POLR3H: variants seen among roughly 807,000 people sequenced by gnomAD.
The protein encoded by POLR3H is DNA-directed RNA polymerase III subunit RPC8.
POLR3H carries 17 observed loss-of-function variants against 25.5 expected under a neutral mutation model. The observed-to-expected ratio is 0.67, with a 90% CI of 0.46 to 1.00. POLR3H has a LOEUF of 1.00. Ranked by LOEUF, POLR3H falls within the 50% of genes least tolerant of loss-of-function variation. The probability of loss-of-function intolerance (pLI) is 0.00; values close to 1 mark genes in which losing one functional copy is unlikely to be tolerated. For synonymous variants in POLR3H, 129 were observed against 103.0 expected, an observed-to-expected ratio of 1.25 and a Z score of -1.53; for missense variants, 274 against 265.0, an observed-to-expected ratio of 1.03 and a Z score of -0.24.
chr22:41,532,915 A>G (rs1180927411), intron 2 of POLR3H, among the ~76,000 whole-genome samples, 170 bp from the exon 3 acceptor site: 1 of 151,950 alleles, frequency 6.6e-6, no homozygotes, highest in Non-Finnish European at 1.5e-5. Context: ...TGGCCCCCAC[A>G]GGGGGGCAGC....
In POLR3H at chr22:41,530,762, G is replaced by T; in HGVS notation, c.486C>A (p.Pro162=). The change falls in exon 5 of 6, where the codon CCC becomes CCA. Residue 162 remains proline, a synonymous_variant. Transcript: ENST00000355209. ...TGGCATCTGCTGAGCTGGGCCCTGT[G>T]GGGGACGTGTCAACAAAGCTCTCGT... The part of the protein sequence containing the change: ...VVDESFVDTS[P]TGPSSADATT... 6.2e-7 allele frequency: 1 copy of T among 1,614,048 alleles called. No homozygotes were observed. The highest frequency in any genetic ancestry group is 1.1e-5 in the South Asian group (1 of 91,086).
rs2066606238 is a variant in POLR3H, at chr22:41,526,743, A to G, written c.*2540T>C. The G allele has an allele frequency of 1.0e-5, 4 of 384,024 alleles. No individual in the cohort carries two copies. The East Asian group carries it at 1.3e-4, about 13-fold the overall frequency. The allele number at this position is 384,024 out of a possible 1,614,324, so 23.8% of individuals were successfully genotyped here. On this transcript the variant is annotated 3_prime_UTR_variant, in exon 6 of 6. Coordinates refer to ENST00000355209, the MANE Select transcript of POLR3H (RefSeq NM_001018050.4). The stretch of plus-strand genomic sequence containing the variant: ...AGGAAGGGGGCCGACTCAGGAAGTC[A>G]GAGGCCAAAAGCTCAGAGAGGGGGC...
intron 3 of POLR3H, 93 bp from the exon 4 acceptor site, chr22:41,532,250 T>G (rs1194714170): frequency 3.1e-6 from 4 of 1,278,578 alleles, no homozygotes; most frequent in Non-Finnish European, 4.5e-6. Context: ...AAGCCCTGCC[T>G]GGGGCTGCCC....
intron 2 of POLR3H, 39 bp downstream of exon 2, chr22:41,540,660 C>A (rs755109778): frequency 1.3e-5 from 19 of 1,494,292 alleles, no homozygotes; most frequent in Admixed American, 1.7e-5. Flanking sequence ...AAAACTGAGC[C>A]CCAAGAAGCC....
Position 41,529,293 on chromosome 22 carries a change from G to A in POLR3H, c.605C>T (p.Thr202Ile), listed in dbSNP as rs1303687870. The A allele has an allele frequency of 1.2e-6, 2 of 1,613,396 alleles. No individual in the cohort carries two copies. The highest frequency in any genetic ancestry group is 1.7e-5 in the Admixed American group (1 of 60,000). The change falls in exon 6 of 6, where the codon ACC (threonine) becomes ATC (isoleucine). Residue 202 changes from threonine (T) to isoleucine (I), a missense_variant. Thr to Ile is a moderately conservative substitution (Grantham distance 89). Coordinates refer to ENST00000355209, the MANE Select transcript of POLR3H (RefSeq NM_001018050.4). Reference sequence around the variant, plus strand: ...TGTCCAGCCCCAGGGCTAGTTGCTGGTCCACCAGGAGAGAAGGCCCAGGCC... The same window carrying A: ...TGTCCAGCCCCAGGGCTAGTTGCTGATCCACCAGGAGAGAAGGCCCAGGCC... Reference protein sequence around the residue: ...EPGLGLLSWWTSN With the variant: ...EPGLGLLSWWISN
At chr22:41,529,798 C>A in intron 5 of POLR3H, 1 of 429,802 alleles carries the variant, frequency 2.3e-6, no homozygotes. Context: ...CACTGTCACC[C>A]GGGCTGGAGT....
At chr22:41,530,548 T>G (rs538878598) in intron 5 of POLR3H, 139 bp downstream of exon 5, 29 of 754,040 alleles carry the variant, frequency 3.8e-5, no homozygotes, top group South Asian at 9.3e-5. Flanking sequence ...CAGGGAGAAG[T>G]GACCAGCCAA....
chr22:41,541,222 G>C (rs917593037), intron 1 of POLR3H, among the ~76,000 whole-genome samples: 1 of 152,174 alleles, frequency 6.6e-6, no homozygotes, highest in Middle Eastern at 3.2e-3. Flanking sequence ...TACTAGTGAG[G>C]ACCAGTGACA....
In POLR3H at chr22:41,529,343, G is replaced by A. The variant is rs1299912528; in HGVS notation, c.562-7C>T. 1 of 1,613,498 alleles carries A rather than the reference G, an allele frequency of 6.2e-7. No individual in the cohort carries two copies. Among genetic ancestry groups the A allele is most frequent in the East Asian group, 2.2e-5 (1 of 44,890 alleles). On this transcript the variant is annotated splice_region_variant and splice_polypyrimidine_tract_variant and intron_variant, in intron 5 of 5. Transcript: ENST00000355209. Reference sequence around the variant, plus strand: ...CTGGCTCACTGATGGATCCCTGCCAGGGATAAAGAACACGCACATTTCACT... The same window carrying A: ...CTGGCTCACTGATGGATCCCTGCCAAGGATAAAGAACACGCACATTTCACT...
At position 41,528,684 on chromosome 22, in the gene POLR3H, G is replaced by A. The variant is rs138060670; in HGVS notation, c.*599C>T. On this transcript the variant is annotated 3_prime_UTR_variant, in exon 6 of 6. Coordinates refer to ENST00000355209, the MANE Select transcript of POLR3H (RefSeq NM_001018050.4). Reference sequence around the variant, plus strand: ...CGTGTGCCATCAGTGGATCCGATCCGTCCAGCCATGGCTTCCTATTCCAAG... The same window carrying A: ...CGTGTGCCATCAGTGGATCCGATCCATCCAGCCATGGCTTCCTATTCCAAG... The A allele has an allele frequency of 8.3e-6, 13 of 1,562,790 alleles. No individual in the cohort carries two copies. Among genetic ancestry groups the A allele is most frequent in the South Asian group, 7.1e-5 (6 of 84,890 alleles).
Position 41,527,340 on chromosome 22 carries a change from C to T in POLR3H, c.*1943G>A, listed in dbSNP as rs764832926. On this transcript the variant is annotated 3_prime_UTR_variant, in exon 6 of 6. Transcript: ENST00000355209. The stretch of plus-strand genomic sequence containing the variant: ...GGAGACGAGAACTACGGCGAGGGCT[C>T]GAGCCGGGAGCATGCAGCTCTGGAG... 1.2e-6 allele frequency: 2 copies of T among 1,614,042 alleles called. No individual in the cohort carries two copies. The highest frequency in any genetic ancestry group is 1.7e-6 in the Non-Finnish European group (2 of 1,179,996).
chr22:41,535,404 G>A (rs2066825027), intron 2 of POLR3H, among the ~76,000 whole-genome samples: 2 of 152,264 alleles, frequency 1.3e-5, no homozygotes, highest in Non-Finnish European at 2.9e-5. Flanking sequence ...AGAGCAACAG[G>A]CTGGTCAGCC....
chr22:41,528,267 G>A lies in POLR3H; in HGVS notation c.*1016C>T, dbSNP rs2066646041. The A allele has an allele frequency of 3.5e-6, 3 of 845,360 alleles. No individual in the cohort carries two copies. Among genetic ancestry groups the A allele is most frequent in the Admixed American group, 2.9e-5 (1 of 34,424 alleles). 52.4% of individuals were successfully genotyped at this position (845,360 alleles called of 1,614,324 possible). The stretch of plus-strand genomic sequence containing the variant: ...ACCAGGACCTGGCACTCAGGGGACA[G>A]CCCACCCACTGCAGGACCCTCTGGG... On this transcript the variant is annotated 3_prime_UTR_variant, in exon 6 of 6. Coordinates refer to ENST00000355209, the MANE Select transcript of POLR3H (RefSeq NM_001018050.4).
intron 1 of POLR3H, among the ~76,000 whole-genome samples, chr22:41,542,236 A>G (rs567040563): frequency 6.6e-6 from 1 of 152,112 alleles, no homozygotes; most frequent in African/African-American, 2.4e-5. Context: ...GGTGCCTGCC[A>G]CCATGCCCAG....
Position 41,528,406 on chromosome 22 carries a change from T to C in POLR3H, c.*877A>G. 1 of 1,569,530 alleles carries C rather than the reference T, an allele frequency of 6.4e-7. No homozygotes were observed. Among genetic ancestry groups the C allele is most frequent in the South Asian group, 1.2e-5 (1 of 84,792 alleles). On this transcript the variant is annotated 3_prime_UTR_variant, in exon 6 of 6. Transcript: ENST00000355209. ...TTAGGTCCCCAGGCAGTGCCCTGTC[T>C]CCCTGACCCCCCTGCGGGGCCAAGG...
rs1804785 is a variant in POLR3H, at chr22:41,528,572, G to A, written c.*711C>T. 20 of 1,612,652 alleles carry A rather than the reference G, an allele frequency of 1.2e-5. No homozygotes were observed. The highest frequency in any genetic ancestry group is 1.5e-5 in the Non-Finnish European group (18 of 1,180,006). The stretch of plus-strand genomic sequence containing the variant: ...CGAGACGCAGATTGAGTGGTTCCGC[G>A]CTGGCAGTGCCCTCAACAGAATGAA... On this transcript the variant is annotated 3_prime_UTR_variant, in exon 6 of 6. Transcript: ENST00000355209.
intron 2 of POLR3H, among the ~76,000 whole-genome samples, chr22:41,535,518 C>A (rs938804809): frequency 6.6e-6 from 1 of 152,188 alleles, no homozygotes; most frequent in African/African-American, 2.4e-5. Context: ...AAGGATGAGT[C>A]TAAAGGACCA....
intron 5 of POLR3H, chr22:41,529,751 C>CT (rs1198310332): frequency 8.2e-5 from 37 of 450,006 alleles, no homozygotes; most frequent in South Asian, 1.8e-4. Context: ...GGAGCCCTAC[C>CT]TTTTTTTTGT....
In POLR3H at chr22:41,544,013, A is replaced by G; in HGVS notation, c.89T>C (p.Leu30Pro). 2 of 1,613,668 alleles carry G rather than the reference A, an allele frequency of 1.2e-6. No individual in the cohort carries two copies. Among genetic ancestry groups the G allele is most frequent in the Middle Eastern group, 1.6e-4 (1 of 6,062 alleles). ...TACCTTGTTGGCCAACTTCTTGTTC[A>G]GCTCCTCGGCAATGGAGTCGTTGAG... is the stretch of plus-strand genomic sequence containing the variant. ...RKLNDSIAEE[L>P]NKKLANKVVY... Residue 30 changes from leucine to proline, a missense_variant, in exon 1 of 6, where the codon CTG (leucine) becomes CCG (proline). By Grantham distance (98) the Leu-to-Pro change is moderately conservative. Transcript: ENST00000355209.
Sources: allele counts gnomAD v4.1 joint callset (sites outside exome capture counted in the v4.1 genomes callset), GRCh38; gene constraint gnomAD v4.1.1; transcripts MANE v1.5; gene names NCBI Gene and HGNC (gene_info 2026-07-23, HGNC 2026-07-21).